The following CHMP7 variants were observed in gnomAD, a reference collection of about 807,000 sequenced individuals.
CHMP7 encodes the protein charged multivesicular body protein 7.
In CHMP7, 15 loss-of-function variants were observed where a neutral mutation model predicts 53.7. The ratio of observed to expected loss-of-function variants is 0.28; its 90% confidence interval spans 0.19 to 0.43. The LOEUF is 0.43. Among genes scored for constraint, CHMP7 ranks in the 20% least tolerant of loss-of-function variants. The pLI is 1.00. For missense variants in CHMP7, 527 were observed against 569.4 expected (o/e 0.93, Z 0.76); for synonymous variants, 261 against 228.0 (o/e 1.14, Z -1.30).
chr8:23,256,918 G>A (rs1468006529), intron 5 of CHMP7, among the ~76,000 whole-genome samples: 3 of 148,034 alleles, frequency 2.0e-5, no homozygotes, highest in Non-Finnish European at 3.0e-5. Context: ...CCAGCCTCCC[G>A]AGTAGCTGGT....
intron 2 of CHMP7, among the ~76,000 whole-genome samples, chr8:23,248,738 T>G (rs1801805944): frequency 6.6e-6 from 1 of 152,256 alleles, no homozygotes; most frequent in Admixed American, 6.5e-5. Context: ...CATCGTATCC[T>G]CACCCTTGCC....
intron 8 of CHMP7, 24 bp downstream of exon 8, chr8:23,258,854 A>G (rs374534208): frequency 2.1e-5 from 31 of 1,492,142 alleles, no homozygotes; most frequent in Non-Finnish European, 2.7e-5. Context: ...CCAGGGAGGG[A>G]CACACAGAGA....
chr8:23,250,094 G>A (rs1801859617), intron 3 of CHMP7, among the ~76,000 whole-genome samples: 1 of 152,168 alleles, frequency 6.6e-6, no homozygotes. Context: ...TCCCCTTCAT[G>A]GTCCCCAGCT....
At chr8:23,254,728 C>G (rs940957624) in intron 3 of CHMP7, 1 of 180,946 alleles carries the variant, frequency 5.5e-6, no homozygotes, top group Non-Finnish European at 1.2e-5. Context: ...AGGCTTTTTA[C>G]AGAGTCAATA....
intron 1 of CHMP7, among the ~76,000 whole-genome samples, chr8:23,244,417 TA>T (rs201659491): frequency 6.6e-6 from 1 of 152,350 alleles, no homozygotes; most frequent in East Asian, 1.9e-4. Flanking sequence ...TGAACCATTG[TA>T]TTGCCTTTCT....
At position 23,255,426 on chromosome 8, in the gene CHMP7, G is replaced by T; in HGVS notation, c.651G>T (p.Gly217=). ...GGGTCACAGTCCTCGAGCAGAACGG[G>T]GAGAAGGTATGGAGGCTCATCTGTT... ...EKRVTVLEQN[G]EKIVKFARGP... The change falls in exon 4 of 11, where the codon GGG becomes GGT. Residue 217 remains glycine, a synonymous_variant. Coordinates refer to ENST00000397677, the MANE Select transcript of CHMP7 (RefSeq NM_152272.5). 6.2e-7 allele frequency: 1 copy of T among 1,614,130 alleles called. No individual in the cohort carries two copies. Among genetic ancestry groups the T allele is most frequent in the Non-Finnish European group, 8.5e-7 (1 of 1,179,958 alleles).
In CHMP7 at chr8:23,243,654, T is replaced by A. The variant is rs1324832430; in HGVS notation, c.-631T>A. The A allele has an allele frequency of 1.3e-5, 2 of 152,540 alleles. No individual in the cohort carries two copies. The highest frequency in any genetic ancestry group is 2.9e-5 in the Non-Finnish European group (2 of 68,274). 9.4% of individuals were successfully genotyped at this position (152,540 alleles called of 1,614,324 possible). On this transcript the variant is annotated 5_prime_UTR_variant, in exon 1 of 11. Transcript: ENST00000397677. ...CACCCTGGGCTGCCTCCTCTGACTG[T>A]TATGCAGCAGGCCGGCAGGTCAATA...
chr8:23,247,630 C>CT (rs1442576772), intron 2 of CHMP7, among the ~76,000 whole-genome samples: 1 of 152,172 alleles, frequency 6.6e-6, no homozygotes, highest in Non-Finnish European at 1.5e-5. Context: ...ATGTACAGTA[C>CT]TTCCCAGCAT....
chr8:23,250,378 G>A (rs886948084), intron 3 of CHMP7, among the ~76,000 whole-genome samples: 3 of 152,014 alleles, frequency 2.0e-5, no homozygotes, highest in Non-Finnish European at 2.9e-5. Context: ...TTGTCCCATC[G>A]GCTGGCCTCT....
chr8:23,255,008 C>T (rs1042685021), intron 3 of CHMP7: 12 of 562,868 alleles, frequency 2.1e-5, no homozygotes, highest in Admixed American at 1.2e-4. Context: ...GGGCGTGCAG[C>T]GCAGAGCTGG....
rs755523064 is a variant in CHMP7 at position 23,261,294 on chromosome 8, G to C, written c.*695G>C. ...TGATGGAGCCAGGAGGTCCGCCGGTGGGGGAAAGGCTTCTTCCGAGGCTTC... is the reference window on the plus strand; with the variant it reads ...TGATGGAGCCAGGAGGTCCGCCGGTCGGGGAAAGGCTTCTTCCGAGGCTTC... On this transcript the variant is annotated 3_prime_UTR_variant, in exon 11 of 11. Coordinates refer to ENST00000397677, the MANE Select transcript of CHMP7 (RefSeq NM_152272.5). 7 of 152,650 alleles carry C rather than the reference G, an allele frequency of 4.6e-5. No homozygotes were observed. Among genetic ancestry groups the C allele is most frequent in the African/African-American group, 1.4e-4 (6 of 41,430 alleles). 9.5% of individuals were successfully genotyped at this position (152,650 alleles called of 1,614,324 possible).
chr8:23,258,782 G>T lies in CHMP7; in HGVS notation c.1011G>T (p.Lys337Asn), dbSNP rs1802242849. Reference sequence around the variant, plus strand: ...TAGGAGCACTCAAACTCTCCATGAAGGATGTCACAGTGGAGAAGGCAGAGA... The same window carrying T: ...TAGGAGCACTCAAACTCTCCATGAATGATGTCACAGTGGAGAAGGCAGAGA... ...AGVGALKLSM[K>N]DVTVEKAESL... Residue 337 changes from lysine (K) to asparagine (N), a missense_variant, in exon 8 of 11, where the codon AAG (lysine) becomes AAT (asparagine). Transcript: ENST00000397677. 1 of 1,613,962 alleles carries T rather than the reference G, an allele frequency of 6.2e-7. No homozygotes were observed. The highest frequency in any genetic ancestry group is 8.5e-7 in the Non-Finnish European group (1 of 1,179,898).
At chr8:23,249,520 C>T in intron 3 of CHMP7, 139 bp downstream of exon 3, 1 of 613,120 alleles carries the variant, frequency 1.6e-6, no homozygotes, top group Non-Finnish European at 2.8e-6. Flanking sequence ...TATCTGCTCT[C>T]CCTTGTACTT....
intron 4 of CHMP7, 96 bp from the exon 5 acceptor site, chr8:23,256,364 G>A (rs2128859349): frequency 8.9e-6 from 7 of 790,884 alleles, no homozygotes; most frequent in Admixed American, 1.8e-5. Context: ...GGATAAGGGG[G>A]GCCTGCTGTT....
chr8:23,253,723 C>G (rs1308439332), intron 3 of CHMP7, among the ~76,000 whole-genome samples: 1 of 152,192 alleles, frequency 6.6e-6, no homozygotes, highest in Admixed American at 6.5e-5. Context: ...TGACTTTCCA[C>G]TAGACTTTTT....
intron 2 of CHMP7, chr8:23,248,009 T>C (rs958148124): frequency 1.1e-5 from 5 of 453,996 alleles, no homozygotes; most frequent in Middle Eastern, 3.3e-4. Flanking sequence ...GGACTGGACA[T>C]TGATATTGCC....
chr8:23,258,599 C>T (rs906456191), intron 7 of CHMP7, 133 bp from the exon 8 acceptor site: 64 of 1,237,728 alleles, frequency 5.2e-5, no homozygotes, highest in South Asian at 1.2e-4. Context: ...GGTTTGGCCT[C>T]GGTGGGTATA....
At chr8:23,247,564 C>T (rs530433594) in intron 2 of CHMP7, among the ~76,000 whole-genome samples, 11 of 152,132 alleles carry the variant, frequency 7.2e-5, no homozygotes, top group Non-Finnish European at 1.5e-4. Context: ...GTAGGAGATA[C>T]GTGTGCGACA....
chr8:23,260,120 C>G (rs764452572), intron 9 of CHMP7, 24 bp from the exon 10 acceptor site: 1 of 1,604,186 alleles, frequency 6.2e-7, no homozygotes, highest in Non-Finnish European at 8.5e-7. Flanking sequence ...GTTTATGCAT[C>G]TTTATGTTGT....
Sources: allele counts gnomAD v4.1 joint callset (sites outside exome capture counted in the v4.1 genomes callset), GRCh38; gene constraint gnomAD v4.1.1; transcripts MANE v1.5; gene names NCBI Gene and HGNC (gene_info 2026-07-23, HGNC 2026-07-21).